The following TRIM16 variants were observed in gnomAD, a reference collection of about 807,000 sequenced individuals.
TRIM16 encodes tripartite motif-containing protein 16.
A neutral mutation model predicts 50.4 loss-of-function variants in TRIM16; 33 were observed. That is an observed-to-expected ratio of 0.65 (90% CI 0.50 to 0.88). TRIM16 has a LOEUF of 0.88. Ranked by LOEUF, TRIM16 falls within the 40% of genes least tolerant of loss-of-function variation. TRIM16 has a pLI of 0.00. For missense variants in TRIM16, 581 were observed against 686.8 expected, an observed-to-expected ratio of 0.85 and a Z score of 1.72; for synonymous variants, 229 against 270.7, an observed-to-expected ratio of 0.85 and a Z score of 1.51.
intron 1 of TRIM16, chr17:15,683,794 T>C (rs1989272701): frequency 6.6e-6 from 1 of 152,360 alleles, no homozygotes; most frequent in Non-Finnish European, 1.5e-5. Flanking sequence ...AGATCTCTGA[T>C]ATCCATCCCC....
At position 15,628,538 on chromosome 17, in the gene TRIM16, T is replaced by C; in HGVS notation, c.*77A>G. The C allele has an allele frequency of 6.8e-7, 1 of 1,468,178 alleles. No individual in the cohort carries two copies. 90.9% of individuals were successfully genotyped at this position (1,468,178 alleles called of 1,614,324 possible). ...AAAAGCCAGCTACCATCAGCAGTTA[T>C]TTCTGCCCCCAAATCACCCTAAAAT... On this transcript the variant is annotated 3_prime_UTR_variant, in exon 12 of 12. Transcript: ENST00000649191.
intron 6 of TRIM16, among the ~76,000 whole-genome samples, chr17:15,668,078 C>T (rs1328045586): frequency 6.6e-6 from 1 of 152,140 alleles, no homozygotes; most frequent in Admixed American, 6.5e-5. Context: ...ACAACTCCCT[C>T]CTCTCTGTAT....
chr17:15,636,689 C>T (rs1986765368), intron 8 of TRIM16, among the ~76,000 whole-genome samples: 2 of 140,080 alleles, frequency 1.4e-5, no homozygotes, highest in Admixed American at 7.1e-5. Context: ...TTTCATTATG[C>T]CCGGTTAAAC....
rs746317987 is a variant in TRIM16 at position 15,628,686 on chromosome 17, C to T, written c.1624G>A (p.Ala542Thr). 8 of 1,614,124 alleles carry T rather than the reference C, an allele frequency of 5.0e-6. No individual in the cohort carries two copies. Among genetic ancestry groups the T allele is most frequent in the Non-Finnish European group, 6.8e-6 (8 of 1,180,020 alleles). The change falls in exon 12 of 12, where the codon GCC (alanine) becomes ACC (threonine). Residue 542 changes from alanine (A) to threonine (T), a missense_variant. By Grantham distance (58) the Ala-to-Thr change is moderately conservative. Around this residue, in one of 3 missense-constraint regions of TRIM16, gnomAD observed 16 missense variants for 35.8 expected, o/e 0.45. Coordinates refer to ENST00000649191, the MANE Select transcript of TRIM16 (RefSeq NM_001348119.1). ...AAFWLSKKEN[A>T]IRIVDLGEEP... Reference sequence around the variant, plus strand: ...TCTCCCAGATCTACAATCCGGATGGCGTTTTCCTTCTTGGAAAGCCAGAAG... The same window carrying T: ...TCTCCCAGATCTACAATCCGGATGGTGTTTTCCTTCTTGGAAAGCCAGAAG...
In TRIM16 at chr17:15,683,086, T is replaced by C. The variant is rs1989247968; in HGVS notation, c.-827A>G. 1.9e-6 allele frequency: 3 copies of C among 1,550,510 alleles called. No individual in the cohort carries two copies. Among genetic ancestry groups the C allele is most frequent in the African/African-American group, 1.4e-5 (1 of 73,060 alleles). ...ATCCTCCATAATCATAGCCTTTGCT[T>C]CACTATTTGGGTGTAGCAACCTTTC... On this transcript the variant is annotated 5_prime_UTR_variant, in exon 2 of 12. Coordinates refer to ENST00000649191, the MANE Select transcript of TRIM16 (RefSeq NM_001348119.1).
At chr17:15,639,045 CTTTTTTTTTTTT>C (rs529832460) in intron 8 of TRIM16, among the ~76,000 whole-genome samples, 1 of 100,916 alleles carries the variant, frequency 9.9e-6, no homozygotes, top group African/African-American at 5.6e-5. Context: ...TTCTCTCTCT[CTTTTTTTTTTTT>C]TTTTTTTTTT....
intron 6 of TRIM16, chr17:15,675,683 G>A (rs139169337): frequency 0.016 from 2,886 of 184,316 alleles, 97 homozygotes; most frequent in African/African-American, 0.065. Flanking sequence ...CAGTAGAAGC[G>A]CCCATGTTAC....
chr17:15,628,383 TGG>T lies in TRIM16; in HGVS notation c.*230_*231del. The T allele has an allele frequency of 2.2e-6, 1 of 453,764 alleles. No individual in the cohort carries two copies. The highest frequency in any genetic ancestry group is 3.7e-6 in the Non-Finnish European group (1 of 269,426). 28.1% of individuals were successfully genotyped at this position (453,764 alleles called of 1,614,324 possible). A position where few individuals can be genotyped will look rare whatever the true frequency, so the allele number is the denominator to read the frequency against. ...AAGATCGCGCCACTGCTCTCCAGCC[TGG>T]GCAACAGTGCGAGACTCCGTCTCAA... On this transcript the variant is annotated 3_prime_UTR_variant, in exon 12 of 12. Transcript: ENST00000649191.
At position 15,680,950 on chromosome 17, in the gene TRIM16, A is replaced by T. The variant is rs1474585743; in HGVS notation, c.-675T>A. ...GGAAAGGGCAGGGTCCTCAGAGGGC[A>T]GAACTGGAAGGAAATTGACATAAAG... On this transcript the variant is annotated 5_prime_UTR_variant, in exon 4 of 12. Coordinates refer to ENST00000649191, the MANE Select transcript of TRIM16 (RefSeq NM_001348119.1). 6.6e-7 allele frequency: 1 copy of T among 1,513,288 alleles called. No homozygotes were observed. Among genetic ancestry groups the T allele is most frequent in the Non-Finnish European group, 8.8e-7 (1 of 1,134,020 alleles). 93.7% of individuals were successfully genotyped at this position (1,513,288 alleles called of 1,614,324 possible).
Position 15,636,123 on chromosome 17 carries a change from G to C in TRIM16, c.762C>G (p.His254Gln). 6.2e-7 allele frequency: 1 copy of C among 1,609,964 alleles called. No homozygotes were observed. The highest frequency in any genetic ancestry group is 8.5e-7 in the Non-Finnish European group (1 of 1,178,912). Residue 254 changes from histidine (H) to glutamine (Q), a missense_variant, in exon 9 of 12, where the codon CAC becomes CAG. Around this residue, in one of 3 missense-constraint regions of TRIM16, gnomAD observed 450 missense variants for 544.3 expected, o/e 0.83. Coordinates refer to ENST00000649191, the MANE Select transcript of TRIM16 (RefSeq NM_001348119.1). ...ALSQANGIKA[H>Q]LEYRSAEMEK... Reference sequence around the variant, plus strand: ...CCATCTCGGCACTCCTGTACTCCAGGTGGGCCTTGATACCGTTGGCCTGGC... The same window carrying C: ...CCATCTCGGCACTCCTGTACTCCAGCTGGGCCTTGATACCGTTGGCCTGGC...
At chr17:15,644,249 G>A (rs534220650) in intron 7 of TRIM16, among the ~76,000 whole-genome samples, 4 of 152,008 alleles carry the variant, frequency 2.6e-5, no homozygotes, top group East Asian at 3.9e-4. Context: ...GCAGTGGCGC[G>A]ATCTCGACTC....
chr17:15,651,474 C>A lies in TRIM16; in HGVS notation c.136G>T (p.Gly46Cys). 1 of 1,611,804 alleles carries A rather than the reference C, an allele frequency of 6.2e-7. No homozygotes were observed. Among genetic ancestry groups the A allele is most frequent in the Non-Finnish European group, 8.5e-7 (1 of 1,178,584 alleles). Residue 46 changes from glycine (G) to cysteine (C), a missense_variant, in exon 7 of 12, where the codon GGC (glycine) becomes TGC (cysteine). Physicochemically the swap from Gly to Cys is radical, Grantham distance 159. This residue lies in a region of TRIM16 where 450 missense variants were observed against 544.3 expected (regional missense o/e 0.83). Transcript: ENST00000649191. The part of the protein sequence containing the change: ...SASPVEEEDV[G>C]SSEKLGRETE... ...TCCCTGCCAAGCTTCTCCGAGGAGC[C>A]CACGTCCTCTTCTTCCACTGGGCTG...
chr17:15,657,794 T>C (rs1988044657), intron 6 of TRIM16, among the ~76,000 whole-genome samples: 1 of 152,210 alleles, frequency 6.6e-6, no homozygotes, highest in Admixed American at 6.5e-5. Context: ...CTACTGACTA[T>C]GCCTACAGCT....
At position 15,631,731 on chromosome 17, in the gene TRIM16, G is replaced by A. The variant is rs746094670; in HGVS notation, c.1016-17C>T. ...CATACTCCTCTAGAAAATCAAGAGA[G>A]TTGTGAATGCACACCTGTCCAGGTG... On this transcript the variant is annotated splice_polypyrimidine_tract_variant and intron_variant, in intron 10 of 11. Coordinates refer to ENST00000649191, the MANE Select transcript of TRIM16 (RefSeq NM_001348119.1). The A allele has an allele frequency of 9.3e-6, 15 of 1,612,676 alleles. No homozygotes were observed. The highest frequency in any genetic ancestry group is 1.7e-5 in the Admixed American group (1 of 59,988).
intron 6 of TRIM16, among the ~76,000 whole-genome samples, chr17:15,658,559 T>C (rs7217400): frequency 0.039 from 5,991 of 152,320 alleles, 306 homozygotes; most frequent in African/African-American, 0.12. Context: ...CTGAATTTGA[T>C]TGATTTATGG....
chr17:15,629,054 A>T lies in TRIM16; in HGVS notation c.1256T>A (p.Leu419Gln). 6.2e-7 allele frequency: 1 copy of T among 1,613,914 alleles called. No individual in the cohort carries two copies. The highest frequency in any genetic ancestry group is 8.5e-7 in the Non-Finnish European group (1 of 1,179,852). Residue 419 changes from leucine to glutamine, a missense_variant, in exon 12 of 12, where the codon CTG becomes CAG. Physicochemically the swap from Leu to Gln is moderately radical, Grantham distance 113. This residue lies in a region of TRIM16 where 450 missense variants were observed against 544.3 expected (regional missense o/e 0.83). Transcript: ENST00000649191. ...PSRFLHWRQV[L>Q]SQQSLYLHRY... ...GTGCAGGTACAGACTCTGCTGGGAC[A>T]GCACCTGCCGCCAGTGCAGGAACCT... is the stretch of plus-strand genomic sequence containing the variant.
chr17:15,677,372 A>G, intron 5 of TRIM16, 92 bp from the exon 6 acceptor site: 1 of 930,990 alleles, frequency 1.1e-6, no homozygotes, highest in Non-Finnish European at 1.3e-6. Flanking sequence ...TAGAGAGGAG[A>G]AAACGAAATA....
intron 11 of TRIM16, 39 bp downstream of exon 11, chr17:15,631,580 T>C (rs762977658): frequency 6.2e-7 from 1 of 1,610,654 alleles, no homozygotes; most frequent in Non-Finnish European, 8.5e-7. Flanking sequence ...ACTGCACTGA[T>C]ATCAACAACT....
intron 9 of TRIM16, among the ~76,000 whole-genome samples, chr17:15,634,735 C>T (rs2323792): frequency 2.0e-5 from 3 of 148,784 alleles, no homozygotes; most frequent in Non-Finnish European, 3.0e-5. Flanking sequence ...TGCTTGAATC[C>T]GGGAGGCGGA....
Sources: gnomAD v4.1 joint callset for allele counts (sites outside exome capture counted in the v4.1 genomes callset) on GRCh38, gnomAD v4.1.1 for gene constraint, gnomAD v4.1.1 regional missense constraint, MANE v1.5 for transcripts, NCBI Gene and HGNC (gene_info 2026-07-23, HGNC 2026-07-21) for gene names.